The following HP1BP3 variants were observed in gnomAD, a reference collection of about 807,000 sequenced individuals.
The protein encoded by HP1BP3 is heterochromatin protein 1 binding protein 3.
Under a neutral mutation model 62.5 loss-of-function variants are expected in HP1BP3, and 12 were observed. The ratio of observed to expected loss-of-function variants is 0.19; its 90% CI spans 0.12 to 0.31. The LOEUF is 0.31. Among genes scored for constraint, HP1BP3 ranks in the 10% least tolerant of loss-of-function variants. The pLI is 1.00. For missense variants in HP1BP3, 502 were observed against 651.8 expected (o/e 0.77, Z 2.50); for synonymous variants, 260 against 237.8 (o/e 1.09, Z -0.86).
intron 1 of HP1BP3, among the ~76,000 whole-genome samples, chr1:20,784,824 C>CT (rs1224847766): frequency 2.0e-5 from 3 of 152,102 alleles, no homozygotes; most frequent in Non-Finnish European, 4.4e-5. Context: ...AATAAACAGT[C>CT]TGAGTTTACT....
chr1:20,770,239 A>G (rs1395883861), intron 6 of HP1BP3, among the ~76,000 whole-genome samples: 2 of 152,216 alleles, frequency 1.3e-5, no homozygotes, highest in African/African-American at 4.8e-5. Flanking sequence ...ACATTTATGA[A>G]GCTAAAAATT....
Position 20,743,584 on chromosome 1 carries a change from C to G in HP1BP3, c.*1213G>C, listed in dbSNP as rs2055148729. 1 of 152,072 alleles carries G rather than the reference C, an allele frequency of 6.6e-6. No individual in the cohort carries two copies. The highest frequency in any genetic ancestry group is 1.5e-5 in the Non-Finnish European group (1 of 68,066). 9.4% of individuals were successfully genotyped at this position (152,072 alleles called of 1,614,324 possible). On this transcript the variant is annotated 3_prime_UTR_variant, in exon 13 of 13. Transcript: ENST00000438032. ...GCTGAGGTGGGAGAATCGCTTGAAC[C>G]TGGGAGGCGGAGTTTGCAGTGAGCC...
intron 4 of HP1BP3, chr1:20,774,591 T>G (rs1282161807): frequency 6.6e-6 from 1 of 152,184 alleles, no homozygotes; most frequent in African/African-American, 2.4e-5. Flanking sequence ...ATTACCTGGT[T>G]AACATGATAG....
chr1:20,765,280 A>C, intron 8 of HP1BP3, 97 bp downstream of exon 8: 1 of 743,018 alleles, frequency 1.3e-6, no homozygotes, highest in Non-Finnish European at 2.0e-6. Context: ...AGCTGAAAGT[A>C]ATCCTTCCTC....
At chr1:20,786,978 A>G (rs930853926) in intron 1 of HP1BP3, among the ~76,000 whole-genome samples, 14 of 151,848 alleles carry the variant, frequency 9.2e-5, no homozygotes, top group African/African-American at 3.1e-4. Flanking sequence ...GGAGTCCACC[A>G]AAAGGGCAGG....
At chr1:20,765,014 C>A (rs945275718) in intron 8 of HP1BP3, among the ~76,000 whole-genome samples, 1 of 151,268 alleles carries the variant, frequency 6.6e-6, no homozygotes, top group Non-Finnish European at 1.5e-5. Context: ...ACTAAAAATA[C>A]AAAAATTAGC....
chr1:20,785,887 T>C (rs2057799604), intron 1 of HP1BP3, among the ~76,000 whole-genome samples: 1 of 152,180 alleles, frequency 6.6e-6, no homozygotes, highest in Admixed American at 6.5e-5. Context: ...TTAAACAAAA[T>C]TAGAGCACCT....
At chr1:20,755,338 C>G (rs1321905366) in intron 9 of HP1BP3, 2 of 451,286 alleles carry the variant, frequency 4.4e-6, no homozygotes, top group Non-Finnish European at 9.0e-6. Context: ...GAAGCTGAGG[C>G]AGGCAGACTA....
chr1:20,784,150 TG>T (rs1443935036), intron 1 of HP1BP3, among the ~76,000 whole-genome samples: 5 of 152,004 alleles, frequency 3.3e-5, no homozygotes, highest in African/African-American at 1.2e-4. Flanking sequence ...TTCTCTTTTT[TG>T]TATCAACAGG....
At chr1:20,745,402 T>C in intron 12 of HP1BP3, 141 bp downstream of exon 12, 1 of 1,076,650 alleles carries the variant, frequency 9.3e-7, no homozygotes, top group Non-Finnish European at 1.3e-6. Flanking sequence ...AAGGAGAAGA[T>C]CAATCCAAAT....
intron 11 of HP1BP3, among the ~76,000 whole-genome samples, chr1:20,746,672 T>C (rs2055357779): frequency 6.6e-6 from 1 of 152,198 alleles, no homozygotes; most frequent in Non-Finnish European, 1.5e-5. Context: ...AGTGTTCCTG[T>C]CTCTACAGTA....
rs2055122984 is a variant in HP1BP3 at position 20,742,892 on chromosome 1, G to A, written c.*1905C>T. On this transcript the variant is annotated 3_prime_UTR_variant, in exon 13 of 13. Coordinates refer to ENST00000438032, the MANE Select transcript of HP1BP3 (RefSeq NM_001372052.1). Reference sequence around the variant, plus strand: ...ACAGAAGGGATCCCAGGAGACAAAAGTGGAATGAATAAGAAACAAACATCT... The same window carrying A: ...ACAGAAGGGATCCCAGGAGACAAAAATGGAATGAATAAGAAACAAACATCT... The A allele has an allele frequency of 6.6e-6, 1 of 152,582 alleles. No individual in the cohort carries two copies. Among genetic ancestry groups the A allele is most frequent in the South Asian group, 2.1e-4 (1 of 4,820 alleles). 9.5% of individuals were successfully genotyped at this position (152,582 alleles called of 1,614,324 possible). A position where few individuals can be genotyped will look rare whatever the true frequency, so the allele number is the denominator to read the frequency against.
In HP1BP3 at chr1:20,744,992, C is replaced by T; in HGVS notation, c.1467G>A (p.Gly489=). 2.5e-6 allele frequency: 4 copies of T among 1,614,162 alleles called. No homozygotes were observed. Among genetic ancestry groups the T allele is most frequent in the Non-Finnish European group, 3.4e-6 (4 of 1,180,038 alleles). ...PAPKVSAAQR[G]KARPLPKKAP... is the part of the protein sequence containing the mutation. ...CTTTCTTAGGCAAGGGCCTAGCTTT[C>T]CCCCGCTGGGCAGCTGAGACTTTAG... The change falls in exon 13 of 13, where the codon GGG becomes GGA. Residue 489 remains glycine (G), a synonymous_variant. Transcript: ENST00000438032.
At chr1:20,752,105 C>T (rs2055797000) in intron 9 of HP1BP3, among the ~76,000 whole-genome samples, 1 of 151,676 alleles carries the variant, frequency 6.6e-6, no homozygotes, top group African/African-American at 2.4e-5. Flanking sequence ...ACTAAAAATA[C>T]AAAAATTAGC....
intron 9 of HP1BP3, among the ~76,000 whole-genome samples, chr1:20,756,073 T>C (rs1308923921): frequency 6.6e-6 from 1 of 152,208 alleles, no homozygotes; most frequent in African/African-American, 2.4e-5. Flanking sequence ...CTGTGATAGT[T>C]GTACAATTCT....
chr1:20,775,827 C>A, intron 4 of HP1BP3: 1 of 797,864 alleles, frequency 1.3e-6, no homozygotes, highest in Non-Finnish European at 1.9e-6. Flanking sequence ...ATGTAGTAGG[C>A]TGTACCACGT....
At position 20,779,925 on chromosome 1, in the gene HP1BP3, T is replaced by C. The variant is rs745312353; in HGVS notation, c.97-14A>G. The C allele has an allele frequency of 9.4e-6, 15 of 1,595,752 alleles. No homozygotes were observed. The East Asian group carries it at 2.5e-4, about 26-fold the overall frequency. On this transcript the variant is annotated splice_polypyrimidine_tract_variant and intron_variant, in intron 2 of 12. Transcript: ENST00000438032. ...ATCTTCTACCTTCTAAGAAAAGAGA[T>C]GGCCATAATCAAACATGCATTAAAA...
chr1:20,749,503 T>C (rs1040417349), intron 10 of HP1BP3, among the ~76,000 whole-genome samples: 10 of 151,878 alleles, frequency 6.6e-5, no homozygotes, highest in Non-Finnish European at 1.5e-4. Context: ...GGACTACAGA[T>C]GCACACCACT....
In HP1BP3 at chr1:20,744,546, T is replaced by C; in HGVS notation, c.*251A>G. On this transcript the variant is annotated 3_prime_UTR_variant, in exon 13 of 13. Transcript: ENST00000438032. ...GGGGGAGGCAGAGAAAAAGGACAAG[T>C]ATACATTACATAGTTTAGGAAAGTC... is the stretch of plus-strand genomic sequence containing the variant. 1 of 392,312 alleles carries C rather than the reference T, an allele frequency of 2.5e-6. No homozygotes were observed. The highest frequency in any genetic ancestry group is 4.1e-5 in the South Asian group (1 of 24,498). 24.3% of individuals were successfully genotyped at this position (392,312 alleles called of 1,614,324 possible).
Sources: allele counts gnomAD v4.1 joint callset (sites outside exome capture counted in the v4.1 genomes callset), GRCh38; gene constraint gnomAD v4.1.1; transcripts MANE v1.5; gene names NCBI Gene and HGNC (gene_info 2026-07-23, HGNC 2026-07-21).